The following FRMD4A variants were observed in gnomAD, a reference collection of about 807,000 sequenced individuals.
FRMD4A encodes FERM domain containing 4A.
Under a neutral mutation model 129.1 loss-of-function variants are expected in FRMD4A, and 29 were observed. The observed-to-expected ratio is 0.22, with a 90% CI of 0.17 to 0.31. The LOEUF (loss-of-function observed/expected upper bound fraction) is 0.31, where lower values mean the gene tolerates loss of function less well. Ranked by LOEUF, FRMD4A falls within the 10% of genes least tolerant of loss-of-function variation. The probability of loss-of-function intolerance (pLI) is 1.00; values close to 1 mark genes in which losing one functional copy is unlikely to be tolerated. For missense variants in FRMD4A, 1,272 were observed against 1,375.8 expected (o/e 0.92, Z 1.19); for synonymous variants, 634 against 571.6 (o/e 1.11, Z -1.56).
In FRMD4A at chr10:13,819,946, A is replaced by G. The variant is rs74546349; in HGVS notation, c.112-9038T>C. Among the ~76,000 whole-genome samples, 1,952 of 152,126 alleles carry G rather than the reference A, an allele frequency of 0.013. 101 individuals carry two copies. In the East Asian group the frequency reaches 0.14, roughly 11 times the overall value. ...AACATGTTGGCCAGGCTGGTCTCGA[A>G]CTCCTGAGCGCAAGGGATCCACCTG... On this transcript the variant is annotated intron_variant, in intron 3 of 24. Coordinates refer to ENST00000357447, the MANE Select transcript of FRMD4A (RefSeq NM_018027.5).
At chr10:13,890,928 G>A in intron 2 of FRMD4A, 1 of 904,906 alleles carries the variant, frequency 1.1e-6, no homozygotes, top group Non-Finnish European at 1.3e-6. Context: ...CTGCTAACAG[G>A]GTACTGGAGA....
intron 2 of FRMD4A, among the ~76,000 whole-genome samples, chr10:13,940,797 T>C (rs2095285599): frequency 6.6e-6 from 1 of 152,182 alleles, no homozygotes; most frequent in South Asian, 2.1e-4. Context: ...TGTTTTCTTA[T>C]CTATAGATTC....
At chr10:13,781,679 A>G (rs2092739884) in intron 6 of FRMD4A, among the ~76,000 whole-genome samples, 1 of 152,158 alleles carries the variant, frequency 6.6e-6, no homozygotes, top group Non-Finnish European at 1.5e-5. Context: ...CACACAGCCA[A>G]CATGGATGAA....
At chr10:13,766,607 G>A (rs759606312) in intron 6 of FRMD4A, among the ~76,000 whole-genome samples, 2 of 152,252 alleles carry the variant, frequency 1.3e-5, no homozygotes, top group African/African-American at 4.8e-5. Context: ...AATCTAGGGT[G>A]GTGGGAAGAC....
intron 4 of FRMD4A, among the ~76,000 whole-genome samples, chr10:13,804,967 T>C (rs2130857927): frequency 1.3e-5 from 2 of 152,238 alleles, no homozygotes; most frequent in Middle Eastern, 3.4e-3. Flanking sequence ...TCCTTAATTG[T>C]TTACTGTCTA....
intron 15 of FRMD4A, 196 bp downstream of exon 15, chr10:13,693,700 TTC>T (rs1491481312): frequency 1.4e-5 from 10 of 725,680 alleles, no homozygotes; most frequent in Admixed American, 6.9e-5. Context: ...TTTTTTTTTT[TTC>T]CCTTCCACTA....
chr10:13,696,054 C>T (rs3750882), intron 14 of FRMD4A, among the ~76,000 whole-genome samples: 57,347 of 152,140 alleles, frequency 0.38, 11,301 homozygotes, highest in Middle Eastern at 0.48. Context: ...CTCCCTACCC[C>T]GTGGGCCTTT....
intron 21 of FRMD4A, 66 bp downstream of exon 21, chr10:13,659,257 G>T: frequency 1.4e-6 from 2 of 1,381,112 alleles, no homozygotes; most frequent in Non-Finnish European, 1.0e-6. Flanking sequence ...GGGCCAGCTT[G>T]GGGCTGACAA....
At chr10:13,954,616 G>A (rs1478980880) in intron 2 of FRMD4A, among the ~76,000 whole-genome samples, 1 of 152,148 alleles carries the variant, frequency 6.6e-6, no homozygotes, top group Non-Finnish European at 1.5e-5. Context: ...GAATTGAGAG[G>A]AGAAATTCCC....
At chr10:13,734,840 C>CTATT (rs140004557) in intron 12 of FRMD4A, among the ~76,000 whole-genome samples, 3,461 of 141,530 alleles carry the variant, frequency 0.024, 72 homozygotes, top group African/African-American at 0.055. Context: ...TCTTCTTTTT[C>CTATT]TATTTATTTA....
intron 2 of FRMD4A, among the ~76,000 whole-genome samples, chr10:14,209,370 T>C (rs912485831): frequency 6.6e-6 from 1 of 152,104 alleles, no homozygotes; most frequent in African/African-American, 2.4e-5. Flanking sequence ...GAAAAAGAAA[T>C]CTGTACATGT....
At chr10:13,794,719 T>G (rs1175764972) in intron 5 of FRMD4A, among the ~76,000 whole-genome samples, 1 of 152,176 alleles carries the variant, frequency 6.6e-6, no homozygotes, top group Admixed American at 6.5e-5. Context: ...TGGAAATTCT[T>G]CTCTCTAAGG....
chr10:14,122,461 G>C (rs56407295), intron 2 of FRMD4A, among the ~76,000 whole-genome samples: 4,953 of 152,064 alleles, frequency 0.033, 227 homozygotes, highest in African/African-American at 0.1. Flanking sequence ...AGGTTTAATT[G>C]CTTCCTGGGT....
intron 2 of FRMD4A, among the ~76,000 whole-genome samples, chr10:13,959,319 A>G (rs2095430904): frequency 6.6e-6 from 1 of 152,016 alleles, no homozygotes; most frequent in Non-Finnish European, 1.5e-5. Context: ...TAAAAATATA[A>G]AAATTAGCCA....
intron 2 of FRMD4A, among the ~76,000 whole-genome samples, chr10:14,113,701 C>T (rs565386316): frequency 7.9e-5 from 12 of 152,248 alleles, no homozygotes; most frequent in East Asian, 3.9e-4. Flanking sequence ...TTATCCAAAT[C>T]GAAGGCTATT....
intron 2 of FRMD4A, among the ~76,000 whole-genome samples, chr10:14,284,135 C>T (rs1845607115): frequency 6.6e-6 from 1 of 152,134 alleles, no homozygotes; most frequent in East Asian, 1.9e-4. Flanking sequence ...TAAATGATTA[C>T]TTATGTAATC....
At chr10:13,670,665 G>C (rs1349560865) in intron 16 of FRMD4A, 137 bp from the exon 17 acceptor site, 1 of 741,184 alleles carries the variant, frequency 1.3e-6, no homozygotes, top group East Asian at 2.7e-5. Flanking sequence ...GCTTATGCTA[G>C]AAATGTTCAC....
chr10:14,045,626 T>C (rs1833956144), intron 2 of FRMD4A, among the ~76,000 whole-genome samples: 1 of 147,782 alleles, frequency 6.8e-6, no homozygotes, highest in Admixed American at 6.8e-5. Context: ...TATAAGATGA[T>C]ATACAATAAT....
At chr10:14,136,326 A>T (rs959223371) in intron 2 of FRMD4A, among the ~76,000 whole-genome samples, 2 of 152,204 alleles carry the variant, frequency 1.3e-5, no homozygotes, top group African/African-American at 4.8e-5. Context: ...CAATTTGCCC[A>T]CAAGAAAATT....
Sources: gnomAD v4.1 joint callset for allele counts (sites outside exome capture counted in the v4.1 genomes callset) on GRCh38, gnomAD v4.1.1 for gene constraint, MANE v1.5 for transcripts, NCBI Gene and HGNC (gene_info 2026-07-23, HGNC 2026-07-21) for gene names.